NCKAP5: variants seen among roughly 807,000 people sequenced by gnomAD.
NCKAP5 encodes the protein nck-associated protein 5.
A neutral mutation model predicts 167.0 loss-of-function variants in NCKAP5; 92 were observed. The ratio of observed to expected loss-of-function variants is 0.55; its 90% CI spans 0.47 to 0.66. The LOEUF is 0.66. Among genes scored for constraint, NCKAP5 ranks in the 30% least tolerant of loss-of-function variants. The pLI, the probability that NCKAP5 is intolerant of heterozygous loss-of-function variation, is 0.00. For missense variants in NCKAP5, 2,378 were observed against 2,315.0 expected, an observed-to-expected ratio of 1.03 and a Z score of -0.56; for synonymous variants, 891 against 877.4, an observed-to-expected ratio of 1.02 and a Z score of -0.27.
intron 6 of NCKAP5, among the ~76,000 whole-genome samples, chr2:133,066,878 C>G (rs1008031782): frequency 6.6e-6 from 1 of 152,038 alleles, no homozygotes; most frequent in East Asian, 1.9e-4. Flanking sequence ...TCCTCCAGAG[C>G]GATTATCTCA....
At chr2:133,135,466 C>T (rs1242738345) in intron 5 of NCKAP5, among the ~76,000 whole-genome samples, 1 of 151,994 alleles carries the variant, frequency 6.6e-6, no homozygotes, top group Non-Finnish European at 1.5e-5. Flanking sequence ...GGGACTGTAG[C>T]CTGGGTAAAA....
In NCKAP5 at chr2:133,113,443, T is replaced by C. The variant is rs141858029; in HGVS notation, c.341+16535A>G. Among the ~76,000 whole-genome samples the C allele has an allele frequency of 6.5e-3, 988 of 152,318 alleles. 8 individuals are homozygous for C. The highest frequency in any genetic ancestry group is 0.022 in the African/African-American group (930 of 41,558). On this transcript the variant is annotated intron_variant, in intron 6 of 19. Transcript: ENST00000409261. ...ATTAGGGAAGGGTTTCTTGTAAGAA[T>C]TGGAAAATTTCACCTAACGGTATTG...
chr2:133,311,529 C>A (rs1431344077), intron 3 of NCKAP5, among the ~76,000 whole-genome samples: 1 of 152,112 alleles, frequency 6.6e-6, no homozygotes, highest in Non-Finnish European at 1.5e-5. Flanking sequence ...TCAACTCAAC[C>A]AGAGCTTGGT....
intron 7 of NCKAP5, among the ~76,000 whole-genome samples, chr2:132,969,973 GAGAA>G (rs887644701): frequency 3.9e-5 from 6 of 152,110 alleles, no homozygotes; most frequent in African/African-American, 1.4e-4. Context: ...AGGTAACATT[GAGAA>G]AGAGAGAAAA....
At chr2:132,714,560 G>A (rs1218503757) in intron 19 of NCKAP5, among the ~76,000 whole-genome samples, 1 of 152,122 alleles carries the variant, frequency 6.6e-6, no homozygotes, top group Non-Finnish European at 1.5e-5. Context: ...GCTCATGCCT[G>A]TAATCCCAGC....
intron 3 of NCKAP5, among the ~76,000 whole-genome samples, chr2:133,406,300 GTTTTGGGGAGTGC>G (rs1688423076): frequency 2.0e-5 from 3 of 152,158 alleles, no homozygotes; most frequent in African/African-American, 7.2e-5. Context: ...ATTTTGATGA[GTTTTGGGGAGTGC>G]TTTTGGAGAA....
chr2:133,581,062 C>A, the NCKAP5 span, among the ~76,000 whole-genome samples: 1 of 152,156 alleles, frequency 6.6e-6, no homozygotes, highest in Middle Eastern at 3.4e-3. Context: ...TACCTTAGTC[C>A]CTAACAGTTT....
At chr2:133,359,032 ATTTC>A (rs1324832158) in intron 3 of NCKAP5, among the ~76,000 whole-genome samples, 1 of 152,230 alleles carries the variant, frequency 6.6e-6, no homozygotes, top group African/African-American at 2.4e-5. Flanking sequence ...TTATAAAATC[ATTTC>A]TTTATTTCAA....
At chr2:133,468,306 T>G (rs1193874828) in intron 3 of NCKAP5, among the ~76,000 whole-genome samples, 6 of 144,798 alleles carry the variant, frequency 4.1e-5, no homozygotes, top group Admixed American at 7.0e-5. Flanking sequence ...TCAGTTTCTA[T>G]GTAGTTGAGC....
chr2:132,767,597 A>T (rs1007001362), intron 16 of NCKAP5, among the ~76,000 whole-genome samples: 1 of 152,238 alleles, frequency 6.6e-6, no homozygotes, highest in African/African-American at 2.4e-5. Flanking sequence ...TTACAATACA[A>T]ATATGTGGCC....
At chr2:133,386,303 G>A (rs116303422) in intron 3 of NCKAP5, among the ~76,000 whole-genome samples, 1,617 of 152,200 alleles carry the variant, frequency 0.011, 5 homozygotes, top group Middle Eastern at 0.058. Flanking sequence ...ATTTCATTAC[G>A]TACCCAGTAA....
intron 3 of NCKAP5, among the ~76,000 whole-genome samples, chr2:133,422,101 C>A (rs1689516471): frequency 6.6e-6 from 1 of 152,234 alleles, no homozygotes; most frequent in Non-Finnish European, 1.5e-5. Flanking sequence ...AGGGGACACT[C>A]CCATTCCAGG....
intron 3 of NCKAP5, among the ~76,000 whole-genome samples, chr2:133,459,880 G>C (rs1692095247): frequency 6.6e-6 from 1 of 152,130 alleles, no homozygotes; most frequent in African/African-American, 2.4e-5. Flanking sequence ...AATGTGTGTA[G>C]GTCCATGTGG....
chr2:133,089,713 CAG>C (rs2081110502), intron 6 of NCKAP5, among the ~76,000 whole-genome samples: 1 of 152,116 alleles, frequency 6.6e-6, no homozygotes, highest in Non-Finnish European at 1.5e-5. Context: ...CACAAGTGTC[CAG>C]CAGAACCAGG....
At chr2:133,150,912 T>C (rs569863445) in intron 5 of NCKAP5, among the ~76,000 whole-genome samples, 1 of 152,266 alleles carries the variant, frequency 6.6e-6, no homozygotes, top group African/African-American at 2.4e-5. Flanking sequence ...AAACTACAAC[T>C]ACATGCAACA....
rs148129774 is a variant in NCKAP5, at chr2:133,182,486, T to C, written c.207+31230A>G. ...AATAAAAAATAAGAGACCAGTAAAA[T>C]ATCCAAACACTTGAAATTAAACAGC... is the stretch of plus-strand genomic sequence containing the variant. On this transcript the variant is annotated intron_variant, in intron 5 of 19. Transcript: ENST00000409261. Among the ~76,000 whole-genome samples, 195 of 152,238 alleles carry C rather than the reference T, an allele frequency of 1.3e-3. 2 individuals are homozygous for C. Among genetic ancestry groups the C allele is most frequent in the Middle Eastern group, 6.8e-3 (2 of 294 alleles).
chr2:133,364,414 GCAAA>G (rs1360573349), intron 3 of NCKAP5, among the ~76,000 whole-genome samples: 5 of 152,068 alleles, frequency 3.3e-5, no homozygotes. Flanking sequence ...AAGAAAATTT[GCAAA>G]CATAGTACAG....
chr2:133,104,929 T>C (rs1463840348), intron 6 of NCKAP5, among the ~76,000 whole-genome samples: 4 of 152,226 alleles, frequency 2.6e-5, no homozygotes, highest in African/African-American at 9.6e-5. Context: ...TAACCTTCCT[T>C]GTGAAGGCTG....
chr2:132,817,742 G>A (rs1394376053), intron 11 of NCKAP5, among the ~76,000 whole-genome samples: 3 of 152,060 alleles, frequency 2.0e-5, no homozygotes, highest in African/African-American at 7.2e-5. Flanking sequence ...TAAAGGAGGA[G>A]TAACAAAGCC....
Sources: gnomAD v4.1 joint callset for allele counts (sites outside exome capture counted in the v4.1 genomes callset) on GRCh38, gnomAD v4.1.1 for gene constraint, MANE v1.5 for transcripts, NCBI Gene and HGNC (gene_info 2026-07-23, HGNC 2026-07-21) for gene names.